The following RNLS variants were observed in gnomAD, a reference collection of about 807,000 sequenced individuals.
RNLS encodes renalase, FAD dependent amine oxidase, also known as renalase.
RNLS carries 39 observed loss-of-function variants against 39.8 expected under a neutral mutation model. That is an observed-to-expected ratio of 0.98 (90% CI 0.76 to 1.28). RNLS has a LOEUF of 1.28. Ranked by LOEUF, RNLS falls within the 50% of genes most tolerant of loss-of-function variation. The pLI is 0.00. For synonymous variants in RNLS, 147 were observed against 150.7 expected (o/e 0.98, Z 0.18); for missense variants, 410 against 413.3 (o/e 0.99, Z 0.07).
intron 4 of RNLS, 43 bp from the exon 5 acceptor site, chr10:88,362,768 T>C (rs113697812): frequency 6.3e-7 from 1 of 1,578,232 alleles, no homozygotes; most frequent in Admixed American, 1.8e-5. Flanking sequence ...AAAAATACCA[T>C]CTTTCCTTTT....
At chr10:88,292,464 C>T (rs1015806279) in intron 6 of RNLS, among the ~76,000 whole-genome samples, 7 of 151,504 alleles carry the variant, frequency 4.6e-5, no homozygotes, top group African/African-American at 1.5e-4. Flanking sequence ...TTTATCTTTG[C>T]CTGTAAGAAA....
chr10:88,424,688 C>A (rs150948843), intron 4 of RNLS, among the ~76,000 whole-genome samples: 3 of 152,066 alleles, frequency 2.0e-5, no homozygotes, highest in African/African-American at 7.2e-5. Context: ...GCTAATCTAG[C>A]CTCCATATAA....
At chr10:88,206,426 A>G in the RNLS span, among the ~76,000 whole-genome samples, 3 of 152,150 alleles carry the variant, frequency 2.0e-5, no homozygotes, top group Non-Finnish European at 2.9e-5. Flanking sequence ...CTTTCAGTGT[A>G]TTAAAAATGC....
the RNLS span, among the ~76,000 whole-genome samples, chr10:88,189,184 A>G: frequency 5.9e-5 from 9 of 152,228 alleles, no homozygotes; most frequent in Non-Finnish European, 1.2e-4. Context: ...ATGTGTGGGT[A>G]TGTATGCATA....
the RNLS span, among the ~76,000 whole-genome samples, chr10:88,201,129 T>C: frequency 3.9e-5 from 6 of 152,134 alleles, no homozygotes; most frequent in Admixed American, 2.0e-4. Flanking sequence ...AGACCAGTCA[T>C]TGGATATTGA....
the RNLS span, among the ~76,000 whole-genome samples, chr10:88,231,848 C>G: frequency 1.3e-5 from 2 of 152,078 alleles, no homozygotes. Flanking sequence ...CTGTCTCAAA[C>G]AGAATTAAAC....
At chr10:88,232,506 C>T in the RNLS span, among the ~76,000 whole-genome samples, 1 of 152,200 alleles carries the variant, frequency 6.6e-6, no homozygotes, top group Non-Finnish European at 1.5e-5. Context: ...AACTCCAACT[C>T]TTGGGCTCAA....
In RNLS at chr10:88,511,884, T is replaced by A. The variant is rs546022728; in HGVS notation, c.526+61019A>T. Among the ~76,000 whole-genome samples, 334 of 152,320 alleles carry A rather than the reference T, an allele frequency of 2.2e-3. 1 individual carries two copies. Among genetic ancestry groups the A allele is most frequent in the African/African-American group, 7.7e-3 (320 of 41,590 alleles). On this transcript the variant is annotated intron_variant, in intron 4 of 6. Coordinates refer to ENST00000331772, the MANE Select transcript of RNLS (RefSeq NM_001031709.3). ...TTGTTTTCTATTTTTTATTGGCCATTAATAACTCTTTGAAATCCTATTTTC... is the reference window on the plus strand; with the variant it reads ...TTGTTTTCTATTTTTTATTGGCCATAAATAACTCTTTGAAATCCTATTTTC...
chr10:88,301,978 C>T (rs1290040716), intron 6 of RNLS, among the ~76,000 whole-genome samples: 1 of 152,204 alleles, frequency 6.6e-6, no homozygotes, highest in Non-Finnish European at 1.5e-5. Context: ...GTCACCTCAT[C>T]TCCTCCTCCT....
At chr10:88,318,771 G>A (rs1332230917) in intron 5 of RNLS, among the ~76,000 whole-genome samples, 4 of 152,224 alleles carry the variant, frequency 2.6e-5, no homozygotes, top group African/African-American at 9.6e-5. Context: ...ACTGAAGGCT[G>A]GGAGCCCTGT....
chr10:88,581,477 T>C (rs2134505432), intron 3 of RNLS, 90 bp downstream of exon 3: 1 of 1,118,170 alleles, frequency 8.9e-7, no homozygotes, highest in Non-Finnish European at 1.2e-6. Context: ...ATATTTATAA[T>C]TTCCTGTATA....
intron 6 of RNLS, among the ~76,000 whole-genome samples, chr10:88,312,002 T>C (rs1845418880): frequency 6.6e-6 from 1 of 152,154 alleles, no homozygotes; most frequent in Admixed American, 6.5e-5. Flanking sequence ...AAGGAAACAA[T>C]GCCTCATCAA....
intron 6 of RNLS, among the ~76,000 whole-genome samples, chr10:88,289,666 G>A (rs891993080): frequency 7.9e-5 from 12 of 152,150 alleles, no homozygotes; most frequent in African/African-American, 2.9e-4. Context: ...CCAAGGCTGA[G>A]AACAGTGCCT....
At chr10:88,261,127 G>A in the RNLS span, among the ~76,000 whole-genome samples, 63 of 152,182 alleles carry the variant, frequency 4.1e-4, no homozygotes, top group African/African-American at 1.5e-3. Context: ...TAATTAAAAT[G>A]GTCAGTATGG....
chr10:88,222,532 G>C, the RNLS span, among the ~76,000 whole-genome samples: 203 of 152,068 alleles, frequency 1.3e-3, 2 homozygotes, highest in East Asian at 9.6e-4. Flanking sequence ...ATACCTTAGG[G>C]GTTTGTCATG....
intron 5 of RNLS, among the ~76,000 whole-genome samples, chr10:88,353,943 T>C (rs1025511246): frequency 6.6e-6 from 1 of 152,262 alleles, no homozygotes; most frequent in African/African-American, 2.4e-5. Flanking sequence ...CTTGTTGAAT[T>C]GATCCCTTTA....
At chr10:88,176,210 C>T in the RNLS span, among the ~76,000 whole-genome samples, 1 of 150,710 alleles carries the variant, frequency 6.6e-6, no homozygotes, top group South Asian at 2.1e-4. Flanking sequence ...GAGTCTTGCT[C>T]TGTCGCCAGG....
chr10:88,352,765 A>C (rs992104513), intron 5 of RNLS, among the ~76,000 whole-genome samples: 3 of 152,210 alleles, frequency 2.0e-5, no homozygotes, highest in African/African-American at 7.2e-5. Flanking sequence ...GAATAGTTTC[A>C]GAAGGAATGG....
chr10:88,311,516 C>T (rs1845381163), intron 6 of RNLS, among the ~76,000 whole-genome samples: 1 of 152,198 alleles, frequency 6.6e-6, no homozygotes, highest in Admixed American at 6.5e-5. Context: ...TACTCAAGTG[C>T]TTTATTCAAA....
Sources: gnomAD v4.1 joint callset for allele counts (sites outside exome capture counted in the v4.1 genomes callset) on GRCh38, gnomAD v4.1.1 for gene constraint, MANE v1.5 for transcripts, NCBI Gene and HGNC (gene_info 2026-07-23, HGNC 2026-07-21) for gene names.